GRB2: variants seen among roughly 807,000 people sequenced by gnomAD.
The protein encoded by GRB2 is growth factor receptor bound protein 2.
Under a neutral mutation model 27.4 loss-of-function variants are expected in GRB2, and 2 were observed. The ratio of observed to expected loss-of-function variants is 0.07; its 90% CI spans 0.03 to 0.23. The LOEUF is 0.23. Ranked by LOEUF, GRB2 falls within the 10% of genes least tolerant of loss-of-function variation. The probability of loss-of-function intolerance (pLI) is 1.00; values close to 1 mark genes in which losing one functional copy is unlikely to be tolerated. For missense variants in GRB2, 102 were observed against 282.4 expected (o/e 0.36, Z 4.58); for synonymous variants, 94 against 99.6 (o/e 0.94, Z 0.33).
At chr17:75,393,430 G>A (rs2079010457) in intron 2 of GRB2, 121 bp downstream of exon 2, 2 of 796,602 alleles carry the variant, frequency 2.5e-6, no homozygotes, top group Admixed American at 1.9e-5. Flanking sequence ...GAACAAATAT[G>A]ATGGTAAATG....
intron 2 of GRB2, among the ~76,000 whole-genome samples, chr17:75,333,099 G>A (rs1242667699): frequency 2.0e-5 from 3 of 151,414 alleles, no homozygotes; most frequent in Non-Finnish European, 2.9e-5. Context: ...TTTTTAAGAC[G>A]GAGTCTTGCT....
At chr17:75,334,249 C>T (rs1346382367) in intron 2 of GRB2, among the ~76,000 whole-genome samples, 1 of 152,086 alleles carries the variant, frequency 6.6e-6, no homozygotes, top group East Asian at 1.9e-4. Context: ...CGGCTCACTG[C>T]AAGCTCTGCC....
At chr17:75,327,687 A>G (rs2078509036) in intron 3 of GRB2, among the ~76,000 whole-genome samples, 1 of 152,156 alleles carries the variant, frequency 6.6e-6, no homozygotes, top group Admixed American at 6.6e-5. Flanking sequence ...TATCTTACTT[A>G]TAAGCAACCA....
intron 2 of GRB2, among the ~76,000 whole-genome samples, chr17:75,386,626 G>T (rs1478659832): frequency 6.6e-6 from 1 of 152,134 alleles, no homozygotes; most frequent in Non-Finnish European, 1.5e-5. Flanking sequence ...ACTTACTCTA[G>T]ACAGGAAGTC....
At chr17:75,349,247 T>C (rs1040963923) in intron 2 of GRB2, among the ~76,000 whole-genome samples, 2 of 152,212 alleles carry the variant, frequency 1.3e-5, no homozygotes, top group African/African-American at 4.8e-5. Context: ...CTGTCATATG[T>C]TTCAATGATA....
intron 1 of GRB2, among the ~76,000 whole-genome samples, chr17:75,402,956 TC>T (rs1249943189): frequency 6.7e-6 from 1 of 150,044 alleles, no homozygotes; most frequent in Non-Finnish European, 1.5e-5. Flanking sequence ...ATGCCTGTGA[TC>T]CCAGCTACTA....
Position 75,319,330 on chromosome 17 carries a change from A to C in GRB2, c.*1038T>G, listed in dbSNP as rs1196804403. The C allele has an allele frequency of 6.6e-6, 1 of 151,934 alleles. No individual in the cohort carries two copies. The highest frequency in any genetic ancestry group is 1.5e-5 in the Non-Finnish European group (1 of 67,930). 9.4% of individuals were successfully genotyped at this position (151,934 alleles called of 1,614,324 possible). On this transcript the variant is annotated 3_prime_UTR_variant, in exon 6 of 6. Transcript: ENST00000316804. ...ACAAAACAAATTAAAAAAAAAAAAAAAACACCACTCAGAAGCAACCCTTGA... is the reference window on the plus strand; with the variant it reads ...ACAAAACAAATTAAAAAAAAAAAAACAACACCACTCAGAAGCAACCCTTGA...
chr17:75,322,360 G>A (rs1432423235), intron 4 of GRB2, among the ~76,000 whole-genome samples: 6 of 131,236 alleles, frequency 4.6e-5, no homozygotes, highest in African/African-American at 8.5e-5. Context: ...TAACAAGAGT[G>A]AAACTCTGTC....
chr17:75,336,673 G>T (rs776668039), intron 2 of GRB2, among the ~76,000 whole-genome samples: 5 of 152,070 alleles, frequency 3.3e-5, no homozygotes, highest in Non-Finnish European at 5.9e-5. Context: ...TTATTACTTG[G>T]TGTTTAGTAT....
At chr17:75,371,864 G>A (rs535507627) in intron 2 of GRB2, 2 of 152,184 alleles carry the variant, frequency 1.3e-5, no homozygotes, top group African/African-American at 2.4e-5. Flanking sequence ...TGGCAAAAGC[G>A]TTGACCAATG....
chr17:75,335,709 C>A (rs537056240), intron 2 of GRB2, among the ~76,000 whole-genome samples: 2 of 151,886 alleles, frequency 1.3e-5, no homozygotes, highest in East Asian at 3.9e-4. Context: ...AGCAAACTCT[C>A]AAAAAAAATT....
At chr17:75,332,065 G>A (rs1432092800) in intron 3 of GRB2, among the ~76,000 whole-genome samples, 1 of 152,176 alleles carries the variant, frequency 6.6e-6, no homozygotes. Context: ...CTAGGAGCAG[G>A]GCCTGTGAAT....
chr17:75,356,843 CG>C (rs1469610369), intron 2 of GRB2, among the ~76,000 whole-genome samples: 1 of 152,202 alleles, frequency 6.6e-6, no homozygotes, highest in Non-Finnish European at 1.5e-5. Context: ...TTTCTTCCTA[CG>C]TAACTGGCCA....
At chr17:75,321,606 T>G in intron 5 of GRB2, 53 bp downstream of exon 5, 1 of 1,548,866 alleles carries the variant, frequency 6.5e-7, no homozygotes, top group South Asian at 1.1e-5. Flanking sequence ...GAATGCACAC[T>G]GAGGAGCTAT....
intron 3 of GRB2, chr17:75,326,267 T>C (rs963969973): frequency 4.7e-5 from 24 of 505,728 alleles, no homozygotes; most frequent in Non-Finnish European, 7.9e-5. Context: ...TCACTCTTTC[T>C]ATAGAGGGAG....
chr17:75,404,089 G>C (rs545338116), intron 1 of GRB2, among the ~76,000 whole-genome samples: 40 of 151,944 alleles, frequency 2.6e-4, no homozygotes, highest in African/African-American at 9.4e-4. Context: ...TCCAGCCTGG[G>C]CAAAAAGAGC....
At chr17:75,384,739 G>A (rs1430711147) in intron 2 of GRB2, among the ~76,000 whole-genome samples, 1 of 151,940 alleles carries the variant, frequency 6.6e-6, no homozygotes, top group African/African-American at 2.4e-5. Flanking sequence ...TCAAGAGTAT[G>A]AAGAGTAAAA....
At position 75,320,345 on chromosome 17, in the gene GRB2, TTTAAA is replaced by T. The variant is rs2078450218; in HGVS notation, c.*18_*22del. ...TATGTGTTTTACATTTTTCACTTTC[TTTAAA>T]TAATTGCTTCTTGACTCTTAGACGT... On this transcript the variant is annotated 3_prime_UTR_variant, in exon 6 of 6. Transcript: ENST00000316804. The surrounding 1 kb of genome is among the most constrained non-coding windows in gnomAD (Gnocchi z 4.3). 2.5e-6 allele frequency: 4 copies of T among 1,599,394 alleles called. No individual in the cohort carries two copies. Among genetic ancestry groups the T allele is most frequent in the Non-Finnish European group, 3.4e-6 (4 of 1,167,070 alleles).
intron 2 of GRB2, among the ~76,000 whole-genome samples, chr17:75,384,968 G>A (rs1194900324): frequency 1.4e-5 from 2 of 143,570 alleles, no homozygotes; most frequent in Admixed American, 7.2e-5. Context: ...GAGGCAGGCG[G>A]ATCGCTTGAG....
Sources: gnomAD v4.1 joint callset for allele counts (sites outside exome capture counted in the v4.1 genomes callset) on GRCh38, gnomAD v4.1.1 for gene constraint, Gnocchi (gnomAD v3.1) non-coding constraint, MANE v1.5 for transcripts, NCBI Gene and HGNC (gene_info 2026-07-23, HGNC 2026-07-21) for gene names.